Variants in CLSTN2 observed in about 807,000 individuals in gnomAD.
CLSTN2 encodes calsyntenin-2.
In CLSTN2, 48 loss-of-function variants were observed where a neutral mutation model predicts 101.2. The observed-to-expected ratio is 0.47, with a 90% CI of 0.38 to 0.60. The LOEUF (loss-of-function observed/expected upper bound fraction) is 0.60, where lower values mean the gene tolerates loss of function less well. Among genes scored for constraint, CLSTN2 ranks in the 20% least tolerant of loss-of-function variants. The pLI is 0.00. For synonymous variants in CLSTN2, 481 were observed against 463.6 expected, an observed-to-expected ratio of 1.04 and a Z score of -0.48; for missense variants, 1,160 against 1,238.2, an observed-to-expected ratio of 0.94 and a Z score of 0.95.
intron 2 of CLSTN2, among the ~76,000 whole-genome samples, chr3:140,179,913 G>C (rs2350492): frequency 0.43 from 65,150 of 151,936 alleles, 16,776 homozygotes; most frequent in East Asian, 0.77. Flanking sequence ...TTTAAAGGTT[G>C]TAAAACATGT....
chr3:140,414,268 A>C (rs2088400671), intron 4 of CLSTN2, among the ~76,000 whole-genome samples: 1 of 152,102 alleles, frequency 6.6e-6, no homozygotes, highest in Non-Finnish European at 1.5e-5. Context: ...TATCCAAAAA[A>C]ATTTTTAAAA....
intron 1 of CLSTN2, among the ~76,000 whole-genome samples, chr3:140,142,313 G>A (rs1364598310): frequency 6.6e-6 from 1 of 152,178 alleles, no homozygotes; most frequent in African/African-American, 2.4e-5. Context: ...AAGGGAGGAA[G>A]CATCTGAGTG....
intron 5 of CLSTN2, among the ~76,000 whole-genome samples, chr3:140,442,577 T>G (rs892618234): frequency 2.6e-5 from 4 of 152,160 alleles, no homozygotes; most frequent in Non-Finnish European, 5.9e-5. Flanking sequence ...TGAACTAAAC[T>G]TCAATGAATT....
intron 12 of CLSTN2, 27 bp from the exon 13 acceptor site, chr3:140,562,111 G>T (rs1379258925): frequency 2.5e-6 from 4 of 1,608,486 alleles, no homozygotes; most frequent in Non-Finnish European, 3.4e-6. Flanking sequence ...CTTCATGCCT[G>T]CATTTCCCAT....
At chr3:140,461,807 C>G (rs939030252) in intron 7 of CLSTN2, among the ~76,000 whole-genome samples, 3 of 152,040 alleles carry the variant, frequency 2.0e-5, no homozygotes, top group African/African-American at 7.2e-5. Flanking sequence ...AGCAGCACCC[C>G]AAGCAGCACC....
chr3:140,552,174 A>G (rs1263122005), intron 10 of CLSTN2, among the ~76,000 whole-genome samples: 2 of 152,106 alleles, frequency 1.3e-5, no homozygotes, highest in African/African-American at 2.4e-5. Context: ...AATCTCTAAG[A>G]GAAGTCTCTA....
At chr3:139,970,757 T>C (rs1012067436) in intron 1 of CLSTN2, among the ~76,000 whole-genome samples, 1 of 152,208 alleles carries the variant, frequency 6.6e-6, no homozygotes, top group African/African-American at 2.4e-5. Flanking sequence ...AAATTGTTGT[T>C]TCCAAGGGTA....
At chr3:140,235,243 C>T (rs2086406016) in intron 2 of CLSTN2, among the ~76,000 whole-genome samples, 1 of 152,102 alleles carries the variant, frequency 6.6e-6, no homozygotes, top group Non-Finnish European at 1.5e-5. Flanking sequence ...GATTAATGTA[C>T]ATTGCCTAAG....
chr3:140,128,327 G>A (rs993831790), intron 1 of CLSTN2, among the ~76,000 whole-genome samples: 32 of 152,202 alleles, frequency 2.1e-4, no homozygotes, highest in African/African-American at 7.5e-4. Flanking sequence ...CTGCTTTGTA[G>A]TTAATTCCAT....
intron 1 of CLSTN2, among the ~76,000 whole-genome samples, chr3:140,013,553 G>A (rs2007132573): frequency 6.6e-6 from 1 of 152,106 alleles, no homozygotes; most frequent in Non-Finnish European, 1.5e-5. Context: ...CTTTTCTGAG[G>A]CTTTTTCAAT....
chr3:140,505,238 G>A (rs1224238176), intron 8 of CLSTN2, among the ~76,000 whole-genome samples: 2 of 152,156 alleles, frequency 1.3e-5, no homozygotes. Context: ...GCAATGATGT[G>A]ATGTTCATGG....
intron 2 of CLSTN2, among the ~76,000 whole-genome samples, chr3:140,186,858 G>A (rs2010492287): frequency 6.6e-6 from 1 of 152,074 alleles, no homozygotes; most frequent in Admixed American, 6.5e-5. Flanking sequence ...ATCCCAGTGT[G>A]TTAGGGATTC....
At chr3:140,284,937 C>A (rs1363964344) in intron 2 of CLSTN2, among the ~76,000 whole-genome samples, 1 of 152,044 alleles carries the variant, frequency 6.6e-6, no homozygotes, top group Non-Finnish European at 1.5e-5. Context: ...CACCCCTACT[C>A]CAAGAAAACC....
At chr3:140,256,046 T>C (rs539697960) in intron 2 of CLSTN2, among the ~76,000 whole-genome samples, 24 of 152,330 alleles carry the variant, frequency 1.6e-4, no homozygotes, top group African/African-American at 5.5e-4. Flanking sequence ...AATATTCCCT[T>C]TTCCCACATT....
At position 140,150,719 on chromosome 3, in the gene CLSTN2, T is replaced by C. The variant is rs184972556; in HGVS notation, c.110-25232T>C. ...CCATTGGGCTGTATCACAGCTCCACTTCTTTCTCTGCCCTTGCTGCTTTTT... is the reference window on the plus strand; with the variant it reads ...CCATTGGGCTGTATCACAGCTCCACCTCTTTCTCTGCCCTTGCTGCTTTTT... On this transcript the variant is annotated intron_variant, in intron 1 of 16. Transcript: ENST00000458420. Among the ~76,000 whole-genome samples the C allele has an allele frequency of 2.0e-3, 310 of 152,236 alleles. 2 individuals are homozygous for C. The highest frequency in any genetic ancestry group is 5.7e-3 in the African/African-American group (236 of 41,534).
chr3:140,360,329 A>G (rs1036324152), intron 2 of CLSTN2, among the ~76,000 whole-genome samples: 19 of 152,342 alleles, frequency 1.2e-4, no homozygotes, highest in African/African-American at 4.6e-4. Context: ...ATGGAGTAAT[A>G]GACAATAAGT....
intron 2 of CLSTN2, among the ~76,000 whole-genome samples, chr3:140,264,059 A>G (rs1045737672): frequency 6.6e-6 from 1 of 152,232 alleles, no homozygotes; most frequent in Admixed American, 6.5e-5. Flanking sequence ...TGAAAAATTT[A>G]AGGTACCCAA....
intron 13 of CLSTN2, 99 bp downstream of exon 13, chr3:140,562,407 T>A (rs1221811562): frequency 8.3e-7 from 1 of 1,211,098 alleles, no homozygotes. Flanking sequence ...AGGAGCACTG[T>A]GAAGCCCCAG....
intron 8 of CLSTN2, chr3:140,506,218 A>C (rs1934681466): frequency 6.6e-6 from 1 of 152,236 alleles, no homozygotes; most frequent in Non-Finnish European, 1.5e-5. Context: ...TTTTGCATGA[A>C]GTATTCTCTC....
Sources: gnomAD v4.1 joint callset for allele counts (sites outside exome capture counted in the v4.1 genomes callset) on GRCh38, gnomAD v4.1.1 for gene constraint, MANE v1.5 for transcripts, NCBI Gene and HGNC (gene_info 2026-07-23, HGNC 2026-07-21) for gene names.